The following ACBD7 variants were observed in gnomAD, a reference collection of about 807,000 sequenced individuals.
ACBD7 encodes acyl-CoA-binding domain-containing protein 7.
In ACBD7, 11 loss-of-function variants were observed where a neutral mutation model predicts 13.7. The ratio of observed to expected loss-of-function variants is 0.80; its 90% confidence interval spans 0.50 to 1.33. ACBD7 has a LOEUF of 1.33. ACBD7 is among the 40% of genes most tolerant of loss of function. ACBD7 has a pLI of 0.00. For missense variants in ACBD7, 111 were observed against 103.0 expected (o/e 1.08, Z -0.33); for synonymous variants, 43 against 37.7 (o/e 1.14, Z -0.51).
intron 1 of ACBD7, among the ~76,000 whole-genome samples, chr10:15,080,492 A>T (rs1280741494): frequency 6.6e-6 from 1 of 152,198 alleles, no homozygotes; most frequent in African/African-American, 2.4e-5. Flanking sequence ...TGGCACAAGA[A>T]TTGCTTGAAC....
At chr10:15,085,689 T>G (rs961130185) in intron 1 of ACBD7, among the ~76,000 whole-genome samples, 1 of 152,242 alleles carries the variant, frequency 6.6e-6, no homozygotes, top group African/African-American at 2.4e-5. Flanking sequence ...GGAAAGAAAT[T>G]TGTCCATTTA....
chr10:15,080,573 C>T (rs1035834643), intron 1 of ACBD7, among the ~76,000 whole-genome samples: 1 of 152,048 alleles, frequency 6.6e-6, no homozygotes, highest in South Asian at 2.1e-4. Flanking sequence ...AAGTGAGACT[C>T]TGTCTCAAAA....
chr10:15,087,958 C>T lies in ACBD7; in HGVS notation c.12+759G>A, dbSNP rs1371537503. Among the ~76,000 whole-genome samples, 13 of 152,008 alleles carry T rather than the reference C, an allele frequency of 8.6e-5. No individual in the cohort carries two copies. The East Asian group carries it at 1.2e-3, about 14-fold the overall frequency. On this transcript the variant is annotated intron_variant, in intron 1 of 3. Coordinates refer to ENST00000356189, the MANE Select transcript of ACBD7 (RefSeq NM_001039844.3). Reference sequence around the variant, plus strand: ...AGCAGAGGTTGCAGTGAGCAGAGATCGCACCAACTGCGCCTCAACCTGGGC... The same window carrying T: ...AGCAGAGGTTGCAGTGAGCAGAGATTGCACCAACTGCGCCTCAACCTGGGC...
At chr10:15,088,096 C>A (rs892788654) in intron 1 of ACBD7, among the ~76,000 whole-genome samples, 5 of 152,100 alleles carry the variant, frequency 3.3e-5, no homozygotes, top group African/African-American at 4.8e-5. Context: ...ACTATATACA[C>A]AATAACATCA....
rs978236978 is a variant in ACBD7, at chr10:15,076,922, A to G, written c.*1608T>C. On this transcript the variant is annotated 3_prime_UTR_variant, in exon 4 of 4. Transcript: ENST00000356189. ...AATCTGTACACATATTACCAGGGCT[A>G]GACTTTCTAAAAAGTCAAAAAACAA... The G allele has an allele frequency of 4.3e-5, 42 of 985,344 alleles. No individual in the cohort carries two copies. The African/African-American group carries it at 4.5e-4, about 11-fold the overall frequency. The allele number at this position is 985,344 out of a possible 1,614,324, so 61.0% of individuals were successfully genotyped here. A position where few individuals can be genotyped will look rare whatever the true frequency, so the allele number is the denominator to read the frequency against.
intron 1 of ACBD7, among the ~76,000 whole-genome samples, chr10:15,081,529 ACATG>A (rs1844749995): frequency 6.6e-6 from 1 of 152,264 alleles, no homozygotes; most frequent in Non-Finnish European, 1.5e-5. Flanking sequence ...ACGCACACTT[ACATG>A]CAGACATATA....
chr10:15,079,179 T>C, intron 1 of ACBD7, 139 bp from the exon 2 acceptor site: 1 of 462,614 alleles, frequency 2.2e-6, no homozygotes, highest in Non-Finnish European at 3.8e-6. Flanking sequence ...TTAATTTACT[T>C]GAATTCCTAG....
At chr10:15,088,333 C>A in intron 1 of ACBD7, 1 of 273,590 alleles carries the variant, frequency 3.7e-6, no homozygotes, top group Non-Finnish European at 6.8e-6. Context: ...TAAATTGGAG[C>A]CTCACAGATC....
At chr10:15,079,945 C>T (rs1844731885) in intron 1 of ACBD7, among the ~76,000 whole-genome samples, 1 of 150,236 alleles carries the variant, frequency 6.7e-6, no homozygotes. Context: ...CTCGCAGATG[C>T]GCCCTTCCTC....
At chr10:15,084,782 C>CA (rs1270174214) in intron 1 of ACBD7, among the ~76,000 whole-genome samples, 1 of 152,180 alleles carries the variant, frequency 6.6e-6, no homozygotes, top group Non-Finnish European at 1.5e-5. Flanking sequence ...AATGAAGTTA[C>CA]AAAGGTACAT....
chr10:15,076,193 C>G lies in ACBD7; in HGVS notation c.*2337G>C, dbSNP rs1191659683. 2 of 985,134 alleles carry G rather than the reference C, an allele frequency of 2.0e-6. No individual in the cohort carries two copies. The highest frequency in any genetic ancestry group is 2.4e-6 in the Non-Finnish European group (2 of 829,850). The allele number at this position is 985,134 out of a possible 1,614,324, so 61.0% of individuals were successfully genotyped here. ...TTTTTATGCAGGGAATAGAGGTACA[C>G]TGTTTTGGGGGATATTTATCTTAAG... On this transcript the variant is annotated 3_prime_UTR_variant, in exon 4 of 4. Transcript: ENST00000356189.
In ACBD7 at chr10:15,076,033, C is replaced by A; in HGVS notation, c.*2497G>T. 167 of 542,502 alleles carry A rather than the reference C, an allele frequency of 3.1e-4. No individual in the cohort carries two copies. The highest frequency in any genetic ancestry group is 4.0e-4 in the South Asian group (5 of 12,390). The allele number at this position is 542,502 out of a possible 1,614,324, so 33.6% of individuals were successfully genotyped here. On this transcript the variant is annotated 3_prime_UTR_variant, in exon 4 of 4. Transcript: ENST00000356189. ...AGAATGTTATATAAATGGAATTATA[C>A]ATGTCACATTTGGGGACTGGCTTTT...
At position 15,076,541 on chromosome 10, in the gene ACBD7, C is replaced by T. The variant is rs1209783926; in HGVS notation, c.*1989G>A. ...TTTTTGAGACGGAGTCTTGTTTTGT[C>T]GCCCAGGCTGGAGTGCAGTGGTGTG... On this transcript the variant is annotated 3_prime_UTR_variant, in exon 4 of 4. Coordinates refer to ENST00000356189, the MANE Select transcript of ACBD7 (RefSeq NM_001039844.3). 5.8e-6 allele frequency: 5 copies of T among 858,022 alleles called. No homozygotes were observed. Among genetic ancestry groups the T allele is most frequent in the Non-Finnish European group, 6.9e-6 (5 of 723,256 alleles). The allele number at this position is 858,022 out of a possible 1,614,324, so 53.2% of individuals were successfully genotyped here.
At chr10:15,079,244 T>A (rs991981352) in intron 1 of ACBD7, among the ~76,000 whole-genome samples, 2 of 150,430 alleles carry the variant, frequency 1.3e-5, no homozygotes, top group Non-Finnish European at 3.0e-5. Context: ...AAATTCTTAA[T>A]ACAGAAAATG....
chr10:15,079,086 A>C (rs767604150), intron 1 of ACBD7, 46 bp from the exon 2 acceptor site: 6 of 1,314,736 alleles, frequency 4.6e-6, no homozygotes, highest in Non-Finnish European at 6.4e-6. Context: ...TTTTACCACC[A>C]AGGAATAGGA....
At chr10:15,084,139 G>A (rs1304867925) in intron 1 of ACBD7, among the ~76,000 whole-genome samples, 3 of 152,200 alleles carry the variant, frequency 2.0e-5, no homozygotes, top group East Asian at 1.9e-4. Flanking sequence ...TGCTCCCAGC[G>A]GTGTGGACAG....
chr10:15,078,937 C>A lies in ACBD7; in HGVS notation c.116G>T (p.Gly39Val), dbSNP rs1281458611. The change falls in exon 2 of 4, where the codon GGA (glycine) becomes GTA (valine). Residue 39 changes from glycine to valine, a missense_variant. Transcript: ENST00000356189. Reference sequence around the variant, plus strand: ...ATATATAATACCAATATTAATGTCTCCAACTATTGCTTGTTTGTAAAGCCC... The same window carrying A: ...ATATATAATACCAATATTAATGTCTACAACTATTGCTTGTTTGTAAAGCCC... ...LYGLYKQAIV[G>V]DINIACPGML... The A allele has an allele frequency of 6.4e-7, 1 of 1,557,166 alleles. No homozygotes were observed. Among genetic ancestry groups the A allele is most frequent in the Admixed American group, 1.8e-5 (1 of 56,210 alleles).
intron 1 of ACBD7, among the ~76,000 whole-genome samples, chr10:15,088,153 T>C (rs1286797401): frequency 6.6e-6 from 1 of 152,022 alleles, no homozygotes; most frequent in Non-Finnish European, 1.5e-5. Flanking sequence ...ACATGGAAAA[T>C]AACATACTAG....
chr10:15,075,714 C>T lies in ACBD7; in HGVS notation c.*2816G>A, dbSNP rs1162644657. ...CCTGGCTGGACGCGGTGGCTCATGC[C>T]TATAGTCTCAGCACTTTGGGGGGCC... On this transcript the variant is annotated 3_prime_UTR_variant, in exon 4 of 4. Coordinates refer to ENST00000356189, the MANE Select transcript of ACBD7 (RefSeq NM_001039844.3). Among the ~76,000 whole-genome samples, 1 of 152,060 alleles carries T rather than the reference C, an allele frequency of 6.6e-6. No homozygotes were observed. Among genetic ancestry groups the T allele is most frequent in the African/African-American group, 2.4e-5 (1 of 41,416 alleles).
Sources: gnomAD v4.1 joint callset for allele counts (sites outside exome capture counted in the v4.1 genomes callset) on GRCh38, gnomAD v4.1.1 for gene constraint, MANE v1.5 for transcripts, NCBI Gene and HGNC (gene_info 2026-07-23, HGNC 2026-07-21) for gene names.